The following MUC4 variants were observed in gnomAD, a reference collection of about 807,000 sequenced individuals.
MUC4 encodes the protein mucin 4, cell surface associated, also known as mucin-4.
A neutral mutation model predicts 257.9 loss-of-function variants in MUC4; 202 were observed. The ratio of observed to expected loss-of-function variants is 0.78; its 90% confidence interval spans 0.70 to 0.88. The LOEUF (loss-of-function observed/expected upper bound fraction) is 0.88, where lower values mean the gene tolerates loss of function less well. Among genes scored for constraint, MUC4 ranks in the 40% least tolerant of loss-of-function variants. The pLI, the probability that MUC4 is intolerant of heterozygous loss-of-function variation, is 0.00. For synonymous variants in MUC4, 2,351 were observed against 2,757.1 expected (o/e 0.85, Z 4.62); for missense variants, 5,976 against 6,513.7 (o/e 0.92, Z 2.84).
At position 195,791,064 on chromosome 3, in the gene MUC4, T is replaced by A; in HGVS notation, c.516A>T (p.Thr172=). 1 of 1,613,868 alleles carries A rather than the reference T, an allele frequency of 6.2e-7. No homozygotes were observed. The highest frequency in any genetic ancestry group is 8.5e-7 in the Non-Finnish European group (1 of 1,179,858). ...TTCGTGATTGTCCTTCCTGTCCAGC[T>A]GTTATTGAGACTGCTGAGGTCACTG... ...STPVTSAVSI[T]AGQEGQSRTT... The change falls in exon 2 of 25, where the codon ACA becomes ACT. Residue 172 remains threonine (T), a synonymous_variant. Coordinates refer to ENST00000463781, the MANE Select transcript of MUC4 (RefSeq NM_018406.7).
chr3:195,774,249 TC>T lies in MUC4; in HGVS notation c.12999del (p.Thr4334ProfsTer93), dbSNP rs758312073. On this transcript the variant is annotated frameshift_variant, in exon 4 of 25. Transcript: ENST00000463781. LOFTEE classifies it high-confidence loss of function. ...AAGAGTGGGGAGGTGAAGTCCACGG[TC>T]CTCCTGACGAACTCCAGGTCCCCGG... ...AGAGDLEFVR[R>X]TVDFTSPLFK... 288 of 1,601,738 alleles carry T rather than the reference TC, an allele frequency of 1.8e-4. 1 individual carries two copies. In the East Asian group the frequency reaches 3.3e-3, roughly 18 times the overall value.
Position 195,752,885 on chromosome 3 carries a change from C to T in MUC4, c.15508+166G>A, listed in dbSNP as rs1280078621. Among the ~76,000 whole-genome samples the T allele has an allele frequency of 2.6e-5, 4 of 152,290 alleles. No individual in the cohort carries two copies. In the East Asian group the frequency reaches 5.8e-4, roughly 22 times the overall value. The stretch of plus-strand genomic sequence containing the variant: ...TGGTCCTTGCCGTGACAGCTTGCCT[C>T]GCCAGCTCCCATAGCCCGCACCTTA... On this transcript the variant is annotated intron_variant, in intron 20 of 24. Coordinates refer to ENST00000463781, the MANE Select transcript of MUC4 (RefSeq NM_018406.7).
chr3:195,811,887 G>C lies in MUC4; in HGVS notation c.-70C>G. ...CCCAGCAGCTGCAGTGTGAGGAGCA[G>C]ACGTGAGCCCGTCCCCTCAGGCGGC... On this transcript the variant is annotated 5_prime_UTR_variant, in exon 1 of 25. Transcript: ENST00000463781. 1 of 1,478,342 alleles carries C rather than the reference G, an allele frequency of 6.8e-7. No individual in the cohort carries two copies. Among genetic ancestry groups the C allele is most frequent in the South Asian group, 1.2e-5 (1 of 85,614 alleles). The allele number at this position is 1,478,342 out of a possible 1,614,324, so 91.6% of individuals were successfully genotyped here.
At chr3:195,761,622 C>T (rs760316443) in intron 14 of MUC4, 37 bp from the exon 15 acceptor site, 5 of 1,510,622 alleles carry the variant, frequency 3.3e-6, no homozygotes, top group East Asian at 2.3e-5. Context: ...ACCCTGGGCA[C>T]GCGGCTGTCC....
At position 195,769,186 on chromosome 3, in the gene MUC4, C is replaced by T. The variant is rs116632725; in HGVS notation, c.13399-34G>A. The stretch of plus-strand genomic sequence containing the variant: ...GGGTGGAAGAAAACACAGGGATGCC[C>T]GTGAGAGATCCGGGGTCTCCTCTCT... On this transcript the variant is annotated intron_variant, in intron 6 of 24. Transcript: ENST00000463781. The T allele has an allele frequency of 4.0e-3, 6,370 of 1,611,294 alleles. 232 individuals are homozygous for T. In the African/African-American group the frequency reaches 0.074, roughly 19 times the overall value.
At position 195,783,792 on chromosome 3, in the gene MUC4, G is replaced by T. The variant is rs1356464273; in HGVS notation, c.7788C>A (p.Thr2596=). Residue 2596 remains threonine (T), a synonymous_variant, in exon 2 of 25, where the codon ACC becomes ACA. Coordinates refer to ENST00000463781, the MANE Select transcript of MUC4 (RefSeq NM_018406.7). ...GACCTGTGGATGCTGAGTAAGTGTC[G>T]GTGACAGGAAGAGGGGTGGTGTCAC... ...STGDTTPLPV[T]DTYSASTGQA... 6.8e-7 allele frequency: 1 copy of T among 1,480,170 alleles called. No homozygotes were observed. Among genetic ancestry groups the T allele is most frequent in the Non-Finnish European group, 9.1e-7 (1 of 1,102,342 alleles). 91.7% of individuals were successfully genotyped at this position (1,480,170 alleles called of 1,614,324 possible). A position where few individuals can be genotyped will look rare whatever the true frequency, so the allele number is the denominator to read the frequency against.
intron 3 of MUC4, among the ~76,000 whole-genome samples, chr3:195,777,869 C>T (rs771272854): frequency 3.5e-4 from 23 of 66,194 alleles, no homozygotes; most frequent in Non-Finnish European, 4.6e-4. Context: ...ACCTTCCACA[C>T]CCATACCTTC....
Position 195,781,170 on chromosome 3 carries a change from G to A in MUC4, c.10410C>T (p.Thr3470=). ...TDTSSASTGD[T]TPLPVTSPSS... ...AAGGGCTGGTGACAGGAAGAGGGGT[G>A]GTGTCACCTGTGGATGCTGAGGAAG... The change falls in exon 2 of 25, where the codon ACC becomes ACT. Residue 3470 remains threonine, a synonymous_variant. Transcript: ENST00000463781. 2 of 1,491,022 alleles carry A rather than the reference G, an allele frequency of 1.3e-6. No individual in the cohort carries two copies. The highest frequency in any genetic ancestry group is 1.8e-6 in the Non-Finnish European group (2 of 1,116,440). The allele number at this position is 1,491,022 out of a possible 1,614,324, so 92.4% of individuals were successfully genotyped here.
chr3:195,807,584 A>T (rs1399231150), intron 1 of MUC4, among the ~76,000 whole-genome samples: 1 of 152,240 alleles, frequency 6.6e-6, no homozygotes, highest in Non-Finnish European at 1.5e-5. Flanking sequence ...TCAATTTCTC[A>T]GAACATGCTG....
At chr3:195,794,406 G>T (rs1430066047) in intron 1 of MUC4, among the ~76,000 whole-genome samples, 1 of 151,910 alleles carries the variant, frequency 6.6e-6, no homozygotes, top group African/African-American at 2.4e-5. Context: ...AAGAGAGAGA[G>T]AGAGAAAGAA....
Position 195,765,310 on chromosome 3 carries a change from C to T in MUC4, c.13758G>A (p.Gln4586=). 6.2e-7 allele frequency: 1 copy of T among 1,613,766 alleles called. No individual in the cohort carries two copies. The part of the protein sequence containing the change: ...WNQVSCPCSW[Q]QGRRDLRFQP... ...GGAATCGTAAGTCCCGTCGTCCCTG[C>T]TGCCAGGAACAAGGGCAGGAGACCT... is the stretch of plus-strand genomic sequence containing the variant. The change falls in exon 9 of 25, where the codon CAG becomes CAA. Residue 4586 remains glutamine (Q), a synonymous_variant. Transcript: ENST00000463781.
At position 195,789,360 on chromosome 3, in the gene MUC4, C is replaced by T. The variant is rs1733556319; in HGVS notation, c.2220G>A (p.Leu740=). Residue 740 remains leucine, a synonymous_variant, in exon 2 of 25, where the codon CTG becomes CTA. Coordinates refer to ENST00000463781, the MANE Select transcript of MUC4 (RefSeq NM_018406.7). ...CTGGTGTTGACACTACAGAGTTGGCCAGAGTAAGGGCACCTGTTTTGGAAA... is the reference window on the plus strand; with the variant it reads ...CTGGTGTTGACACTACAGAGTTGGCTAGAGTAAGGGCACCTGTTTTGGAAA... ...TSLSKTGALT[L]ANSVVSTPGG... 1 of 1,613,872 alleles carries T rather than the reference C, an allele frequency of 6.2e-7. No individual in the cohort carries two copies. Among genetic ancestry groups the T allele is most frequent in the Non-Finnish European group, 8.5e-7 (1 of 1,179,872 alleles).
chr3:195,749,019 T>C lies in MUC4; in HGVS notation c.15917A>G (p.Lys5306Arg). The change falls in exon 24 of 25, where the codon AAG (lysine) becomes AGG (arginine). Residue 5306 changes from lysine to arginine, a missense_variant. Lys to Arg is a conservative substitution (Grantham distance 26). Coordinates refer to ENST00000463781, the MANE Select transcript of MUC4 (RefSeq NM_018406.7). The part of the protein sequence containing the change: ...LKAYFRCDGY[K>R]GYDLVYSPQS... ...GGGGCTGTAGACCAGGTCGTAGCCC[T>C]TGTAGCCATCGCATCTGAAGTAAGC... The C allele has an allele frequency of 6.2e-7, 1 of 1,609,582 alleles. No homozygotes were observed. Among genetic ancestry groups the C allele is most frequent in the Middle Eastern group, 1.7e-4 (1 of 6,048 alleles).
chr3:195,803,467 C>T (rs1735603855), intron 1 of MUC4, among the ~76,000 whole-genome samples: 1 of 152,202 alleles, frequency 6.6e-6, no homozygotes, highest in Non-Finnish European at 1.5e-5. Context: ...CGAGAGCCTC[C>T]GCATCTGCGC....
At position 195,789,624 on chromosome 3, in the gene MUC4, C is replaced by T. The variant is rs375114328; in HGVS notation, c.1956G>A (p.Thr652=). Residue 652 remains threonine (T), a synonymous_variant, in exon 2 of 25, where the codon ACG becomes ACA. Transcript: ENST00000463781. ...APQTTQESQT[T]RSVSPMTDTK... is the part of the protein sequence containing the mutation. ...TGTCAGTCATGGGGGAGACGGACCT[C>T]GTGGTTTGTGATTCTTGTGTGGTCT... is the stretch of plus-strand genomic sequence containing the variant. 2.4e-5 allele frequency: 38 copies of T among 1,613,830 alleles called. No individual in the cohort carries two copies. In the African/African-American group the frequency reaches 4.3e-4, roughly 18 times the overall value.
chr3:195,761,003 A>G lies in MUC4; in HGVS notation c.14729T>C (p.Ile4910Thr), dbSNP rs145420145. The G allele has an allele frequency of 2.6e-3, 4,227 of 1,614,114 alleles. 15 individuals carry two copies. The highest frequency in any genetic ancestry group is 2.7e-3 in the Non-Finnish European group (3,230 of 1,180,004). The change falls in exon 16 of 25, where the codon ATC (isoleucine) becomes ACC (threonine). Residue 4910 changes from isoleucine to threonine, a missense_variant. Ile to Thr is a moderately conservative substitution (Grantham distance 89, BLOSUM62 -1). Around this residue, in one of 44 missense-constraint regions of MUC4, gnomAD observed 996 missense variants for 1,137.3 expected, o/e 0.88. Coordinates refer to ENST00000463781, the MANE Select transcript of MUC4 (RefSeq NM_018406.7). ...QKNSSWAEHL[I>T]SNCDGDSSCI... ...TGAGCTATCTCCGTCACAGTTGGAGATCAAATGTTCAGCCCAGGAGCTGTT... is the reference window on the plus strand; with the variant it reads ...TGAGCTATCTCCGTCACAGTTGGAGGTCAAATGTTCAGCCCAGGAGCTGTT...
At chr3:195,767,540 T>TCAC (rs1406281561) in intron 7 of MUC4, among the ~76,000 whole-genome samples, 176 of 65,748 alleles carry the variant, frequency 2.7e-3, no homozygotes, top group Non-Finnish European at 3.2e-3. Flanking sequence ...GCCACCACCA[T>TCAC]CATCACCATC....
intron 4 of MUC4, among the ~76,000 whole-genome samples, chr3:195,772,817 G>C (rs1373613901): frequency 1.6e-5 from 2 of 128,950 alleles, no homozygotes; most frequent in Admixed American, 7.7e-5. Flanking sequence ...CAGGGGTGTA[G>C]ACACCCTCTC....
Position 195,780,554 on chromosome 3 carries a change from C to T in MUC4, c.11026G>A (p.Gly3676Ser), listed in dbSNP as rs771817828. The T allele has an allele frequency of 2.0e-5, 15 of 751,702 alleles. 4 individuals carry two copies. In the African/African-American group the frequency reaches 8.3e-4, roughly 41 times the overall value. 46.6% of individuals were successfully genotyped at this position (751,702 alleles called of 1,614,324 possible). A position where few individuals can be genotyped will look rare whatever the true frequency, so the allele number is the denominator to read the frequency against. The change falls in exon 2 of 25, where the codon GGT becomes AGT. Residue 3676 changes from glycine (G) to serine (S), a missense_variant. Gly to Ser is a moderately conservative substitution (Grantham distance 56). This residue lies in a region of MUC4 where 330 missense variants were observed against 262.0 expected (regional missense o/e 1.26). Coordinates refer to ENST00000463781, the MANE Select transcript of MUC4 (RefSeq NM_018406.7). ...GTGACAGGAAGACGGGTGGTGTCAC[C>T]TGTGGATGCTGAGGAAGTGTCGGTG... ...PVTDTSSAST[G>S]DTTRLPVTDT...
Sources: allele counts gnomAD v4.1 joint callset (sites outside exome capture counted in the v4.1 genomes callset), GRCh38; gene constraint gnomAD v4.1.1; regional missense constraint gnomAD v4.1.1; transcripts MANE v1.5; gene names NCBI Gene and HGNC (gene_info 2026-07-23, HGNC 2026-07-21).